Variants in EXOC4 observed in about 807,000 individuals in gnomAD.
EXOC4 encodes the protein exocyst complex component 4, also known as SEC8-like 1.
A neutral mutation model predicts 107.2 loss-of-function variants in EXOC4; 71 were observed. The observed-to-expected ratio is 0.66, with a 90% CI of 0.55 to 0.81. EXOC4 has a LOEUF of 0.81. Ranked by LOEUF, EXOC4 falls within the 30% of genes least tolerant of loss-of-function variation. EXOC4 has a pLI of 0.00. For missense variants in EXOC4, 1,108 were observed against 1,189.6 expected, an observed-to-expected ratio of 0.93 and a Z score of 1.01; for synonymous variants, 456 against 441.2, an observed-to-expected ratio of 1.03 and a Z score of -0.42.
intron 7 of EXOC4, among the ~76,000 whole-genome samples, chr7:133,462,140 A>G (rs1243882176): frequency 6.6e-6 from 1 of 152,168 alleles, no homozygotes; most frequent in Non-Finnish European, 1.5e-5. Context: ...CAATTTTCAT[A>G]TGTGTGCTTT....
intron 7 of EXOC4, among the ~76,000 whole-genome samples, chr7:133,413,062 A>G (rs995006525): frequency 1.3e-5 from 2 of 152,114 alleles, no homozygotes; most frequent in Non-Finnish European, 2.9e-5. Flanking sequence ...ATCAGTGGAA[A>G]TGTTCAGAAC....
intron 12 of EXOC4, among the ~76,000 whole-genome samples, chr7:133,899,020 T>A (rs1292489770): frequency 1.3e-5 from 2 of 151,342 alleles, no homozygotes; most frequent in African/African-American, 4.8e-5. Context: ...TTAAAAAGTT[T>A]AAAATTTTTA....
chr7:133,679,538 G>GTCCA (rs200481678), intron 10 of EXOC4, among the ~76,000 whole-genome samples: 68,692 of 142,680 alleles, frequency 0.48, 16,970 homozygotes, highest in East Asian at 0.62. Flanking sequence ...CCATCCGTCC[G>GTCCA]TCCGTCCATC....
chr7:133,705,932 G>T (rs1794760677), intron 10 of EXOC4, among the ~76,000 whole-genome samples: 1 of 152,202 alleles, frequency 6.6e-6, no homozygotes, highest in African/African-American at 2.4e-5. Flanking sequence ...TGAAGCCACA[G>T]AAAGCAAAAC....
intron 10 of EXOC4, among the ~76,000 whole-genome samples, chr7:133,677,547 TG>T (rs1304200249): frequency 3.9e-5 from 6 of 152,244 alleles, no homozygotes; most frequent in Non-Finnish European, 7.3e-5. Flanking sequence ...TCTTAAAGTT[TG>T]TTTTGCTCCG....
intron 10 of EXOC4, among the ~76,000 whole-genome samples, chr7:133,679,818 G>A (rs1237029495): frequency 1.3e-5 from 2 of 152,160 alleles, no homozygotes; most frequent in East Asian, 1.9e-4. Context: ...CTCATAAATG[G>A]CCATATGTGA....
intron 17 of EXOC4, among the ~76,000 whole-genome samples, chr7:134,058,068 GTTA>G (rs1225038829): frequency 6.6e-6 from 1 of 152,060 alleles, no homozygotes. Context: ...TCATTTCCCT[GTTA>G]TTATCATAGA....
chr7:133,644,720 A>C (rs1351829277), intron 10 of EXOC4, among the ~76,000 whole-genome samples: 1 of 152,184 alleles, frequency 6.6e-6, no homozygotes, highest in Non-Finnish European at 1.5e-5. Context: ...GTGCCTGGGC[A>C]TGAAGAGAGC....
intron 10 of EXOC4, among the ~76,000 whole-genome samples, chr7:133,743,044 G>T (rs1795601222): frequency 6.6e-6 from 1 of 152,108 alleles, no homozygotes; most frequent in African/African-American, 2.4e-5. Context: ...GTACATGTGT[G>T]CTTCTGAAAA....
At chr7:134,054,374 G>A (rs1443804752) in intron 17 of EXOC4, among the ~76,000 whole-genome samples, 1 of 152,102 alleles carries the variant, frequency 6.6e-6, no homozygotes, top group African/African-American at 2.4e-5. Flanking sequence ...AATATAGGAG[G>A]TTAGAATTTC....
chr7:133,815,532 A>T (rs1303794068), intron 10 of EXOC4, among the ~76,000 whole-genome samples: 2 of 152,336 alleles, frequency 1.3e-5, no homozygotes, highest in East Asian at 3.9e-4. Flanking sequence ...TATCAAGAGT[A>T]GTATAGCAGT....
intron 13 of EXOC4, among the ~76,000 whole-genome samples, chr7:133,928,197 A>G (rs944283382): frequency 7.9e-5 from 12 of 152,146 alleles, no homozygotes; most frequent in East Asian, 1.9e-4. Flanking sequence ...AAAAAATGCA[A>G]TTCTTCCAAG....
intron 10 of EXOC4, among the ~76,000 whole-genome samples, chr7:133,639,437 T>G (rs762521377): frequency 2.0e-5 from 3 of 152,190 alleles, no homozygotes; most frequent in Non-Finnish European, 4.4e-5. Flanking sequence ...GCCTGTGAAG[T>G]ATTTTTCATT....
At chr7:133,849,795 T>C (rs1798204805) in intron 11 of EXOC4, among the ~76,000 whole-genome samples, 1 of 152,208 alleles carries the variant, frequency 6.6e-6, no homozygotes, top group African/African-American at 2.4e-5. Flanking sequence ...GATGACTGAA[T>C]GAATCAATCC....
At chr7:133,539,169 A>G (rs915603244) in intron 9 of EXOC4, among the ~76,000 whole-genome samples, 16 of 152,132 alleles carry the variant, frequency 1.1e-4, no homozygotes, top group Non-Finnish European at 1.6e-4. Flanking sequence ...CATGTCTTAT[A>G]TTACAGAGAG....
At chr7:134,073,454 T>A in the EXOC4 span, among the ~76,000 whole-genome samples, 5 of 151,780 alleles carry the variant, frequency 3.3e-5, no homozygotes, top group Non-Finnish European at 5.9e-5. Context: ...GTTTTGCATC[T>A]CGTTGCCTGC....
intron 6 of EXOC4, among the ~76,000 whole-genome samples, chr7:133,369,136 G>T (rs151097044): frequency 3.5e-4 from 54 of 152,356 alleles, no homozygotes; most frequent in African/African-American, 1.3e-3. Flanking sequence ...GTTGTGGGCA[G>T]TCAGAGAGTG....
intron 14 of EXOC4, among the ~76,000 whole-genome samples, chr7:133,958,925 G>T (rs2116826683): frequency 1.3e-5 from 2 of 152,304 alleles, no homozygotes; most frequent in Middle Eastern, 6.8e-3. Flanking sequence ...TGACACTTCT[G>T]TTCTTTTTCC....
intron 9 of EXOC4, among the ~76,000 whole-genome samples, chr7:133,570,092 T>C (rs1800990510): frequency 6.6e-6 from 1 of 152,192 alleles, no homozygotes; most frequent in African/African-American, 2.4e-5. Flanking sequence ...GCAGGAAATA[T>C]TTGACAGTTC....
Sources: gnomAD v4.1 joint callset for allele counts (sites outside exome capture counted in the v4.1 genomes callset) on GRCh38, gnomAD v4.1.1 for gene constraint, MANE v1.5 for transcripts, NCBI Gene and HGNC (gene_info 2026-07-23, HGNC 2026-07-21) for gene names.